GABRG3: variants seen among roughly 807,000 people sequenced by gnomAD.
The protein encoded by GABRG3 is gamma-aminobutyric acid type A receptor subunit gamma3.
A neutral mutation model predicts 48.8 loss-of-function variants in GABRG3; 25 were observed. The observed-to-expected ratio is 0.51, with a 90% CI of 0.37 to 0.72. GABRG3 has a LOEUF of 0.72. Among genes scored for constraint, GABRG3 ranks in the 30% least tolerant of loss-of-function variants. The pLI, the probability that GABRG3 is intolerant of heterozygous loss-of-function variation, is 0.00. For missense variants in GABRG3, 394 were observed against 577.9 expected, an observed-to-expected ratio of 0.68 and a Z score of 3.26; for synonymous variants, 227 against 217.6, an observed-to-expected ratio of 1.04 and a Z score of -0.38.
chr15:27,108,728 T>C (rs535762339), intron 3 of GABRG3, among the ~76,000 whole-genome samples: 2 of 152,336 alleles, frequency 1.3e-5, no homozygotes, highest in Non-Finnish European at 2.9e-5. Context: ...TATCAGTTTT[T>C]CCTTCATTTA....
At chr15:27,520,937 A>T (rs1287419050) in intron 7 of GABRG3, among the ~76,000 whole-genome samples, 1 of 151,886 alleles carries the variant, frequency 6.6e-6, no homozygotes, top group Non-Finnish European at 1.5e-5. Context: ...GGTAGACCAG[A>T]TGCCAAGAGA....
chr15:27,362,447 A>G (rs1895055813), intron 5 of GABRG3: 1 of 152,180 alleles, frequency 6.6e-6, no homozygotes, highest in African/African-American at 2.4e-5. Context: ...GCCTGTGAAG[A>G]TGTTCTTTGG....
intron 3 of GABRG3, among the ~76,000 whole-genome samples, chr15:27,216,750 T>TATTTATTTTTTTA (rs58685578): frequency 7.9e-6 from 1 of 125,860 alleles, no homozygotes; most frequent in Non-Finnish European, 1.6e-5. Flanking sequence ...TTTTTTTATT[T>TATTTATTTTTTTA]TTTATTTATT....
intron 3 of GABRG3, among the ~76,000 whole-genome samples, chr15:27,123,415 T>C (rs930926506): frequency 1.3e-5 from 2 of 152,120 alleles, no homozygotes; most frequent in African/African-American, 2.4e-5. Context: ...AAAAGAGGCC[T>C]GTGGGAACTC....
chr15:27,434,897 G>A (rs895724673), intron 5 of GABRG3, among the ~76,000 whole-genome samples: 11 of 152,170 alleles, frequency 7.2e-5, no homozygotes, highest in African/African-American at 2.4e-4. Context: ...GGTTAGCCAT[G>A]TGTCCATCTA....
rs773831443 is a variant in GABRG3 at position 27,388,311 on chromosome 15, AG to A, written c.574+59426del. On this transcript the variant is annotated intron_variant, in intron 5 of 9. Coordinates refer to ENST00000615808, the MANE Select transcript of GABRG3 (RefSeq NM_033223.5). ...AGGAAGAAAAGAAGGAAGGAAAGGG[AG>A]GGAGGGAAAAGAAGGAAGGAAGGAA... Among the ~76,000 whole-genome samples the A allele has an allele frequency of 2.2e-3, 67 of 30,992 alleles. 4 individuals carry two copies. Among genetic ancestry groups the A allele is most frequent in the Admixed American group, 2.8e-3 (6 of 2,110 alleles). 20.3% of individuals were successfully genotyped at this position (30,992 alleles called of 152,430 possible). A position where few individuals can be genotyped will look rare whatever the true frequency, so the allele number is the denominator to read the frequency against.
chr15:27,300,371 A>T (rs997626451), intron 3 of GABRG3, among the ~76,000 whole-genome samples: 1 of 152,140 alleles, frequency 6.6e-6, no homozygotes, highest in Non-Finnish European at 1.5e-5. Flanking sequence ...ACGTATTTTT[A>T]AAAACATGCA....
chr15:27,107,493 T>C (rs1177290394), intron 3 of GABRG3, among the ~76,000 whole-genome samples: 1 of 151,996 alleles, frequency 6.6e-6, no homozygotes. Context: ...GGATCTCTAG[T>C]TTTCTTTTTT....
chr15:26,977,345 CT>C (rs1566898062), intron 2 of GABRG3, among the ~76,000 whole-genome samples, 195 bp downstream of exon 2: 1 of 152,084 alleles, frequency 6.6e-6, no homozygotes, highest in African/African-American at 2.4e-5. Context: ...GAACGTGGCT[CT>C]GTGTCATTTT....
chr15:27,039,963 G>A (rs1166472558), intron 3 of GABRG3, among the ~76,000 whole-genome samples: 1 of 151,102 alleles, frequency 6.6e-6, no homozygotes, highest in Non-Finnish European at 1.5e-5. Flanking sequence ...TCCTTGCTGG[G>A]ACACTTCTTC....
intron 3 of GABRG3, among the ~76,000 whole-genome samples, chr15:27,235,941 A>G (rs1889946405): frequency 1.3e-5 from 2 of 152,198 alleles, no homozygotes; most frequent in Admixed American, 6.5e-5. Context: ...CCTGCTGCAG[A>G]GACGGACACA....
chr15:27,210,628 T>C (rs1889048101), intron 3 of GABRG3, among the ~76,000 whole-genome samples: 4 of 152,206 alleles, frequency 2.6e-5, no homozygotes, highest in Admixed American at 2.6e-4. Flanking sequence ...TCAGAGTGCA[T>C]GCAGACAGCA....
Position 26,976,134 on chromosome 15 carries a change from A to AAG in GABRG3, c.54-868_54-867insAG, listed in dbSNP as rs1388257256. Among the ~76,000 whole-genome samples the AAG allele has an allele frequency of 1.3e-5, 2 of 149,480 alleles. No individual in the cohort carries two copies. The highest frequency in any genetic ancestry group is 3.9e-4 in the East Asian group (2 of 5,126). ...AAACTGCAGAACCAAAAAAAAAAAA[A>AAG]GGGAAAACTAGCCGGTCATCCTGAG... On this transcript the variant is annotated intron_variant, in intron 1 of 9. Coordinates refer to ENST00000615808, the MANE Select transcript of GABRG3 (RefSeq NM_033223.5). This position sits in a 1 kb window ranked among gnomAD's most constrained non-coding sequence, Gnocchi z 7.8.
At chr15:27,022,539 T>C (rs1895914588) in intron 2 of GABRG3, among the ~76,000 whole-genome samples, 1 of 152,170 alleles carries the variant, frequency 6.6e-6, no homozygotes, top group Non-Finnish European at 1.5e-5. Context: ...ATTTTACCTG[T>C]CAAGTCCCAA....
chr15:27,103,496 C>T (rs1161563431), intron 3 of GABRG3, among the ~76,000 whole-genome samples: 2 of 152,126 alleles, frequency 1.3e-5, no homozygotes, highest in African/African-American at 2.4e-5. Context: ...CAGGGTTGCC[C>T]CTGCAGCTGC....
chr15:27,189,167 C>T (rs1888206924), intron 3 of GABRG3, among the ~76,000 whole-genome samples: 1 of 151,644 alleles, frequency 6.6e-6, no homozygotes. Context: ...AGCATGATGC[C>T]TCCAGCTTTG....
intron 2 of GABRG3, among the ~76,000 whole-genome samples, chr15:26,997,469 C>T (rs1437537593): frequency 6.6e-6 from 1 of 152,136 alleles, no homozygotes; most frequent in Non-Finnish European, 1.5e-5. Flanking sequence ...AATAATTCCC[C>T]ACCCTTCCAA....
chr15:27,084,161 A>G (rs1897037628), intron 3 of GABRG3, among the ~76,000 whole-genome samples: 1 of 152,234 alleles, frequency 6.6e-6, no homozygotes, highest in South Asian at 2.1e-4. Flanking sequence ...AACTGCTCAG[A>G]TAAACTGATG....
rs1300701833 is a variant in GABRG3, at chr15:27,457,349, TG to T, written c.575-23300del. On this transcript the variant is annotated intron_variant, in intron 5 of 9. Coordinates refer to ENST00000615808, the MANE Select transcript of GABRG3 (RefSeq NM_033223.5). This position sits in a 1 kb window ranked among gnomAD's most constrained non-coding sequence, Gnocchi z 4.4. ...AAGTCCTTGCTAGCATTTGACGTTT[TG>T]TTTTTTGCGTTTGTAGAAACATCAC... is the stretch of plus-strand genomic sequence containing the variant. Among the ~76,000 whole-genome samples, 17 of 152,238 alleles carry T rather than the reference TG, an allele frequency of 1.1e-4. No individual in the cohort carries two copies. Among genetic ancestry groups the T allele is most frequent in the African/African-American group, 4.1e-4 (17 of 41,464 alleles).
Sources: gnomAD v4.1 joint callset for allele counts (sites outside exome capture counted in the v4.1 genomes callset) on GRCh38, gnomAD v4.1.1 for gene constraint, Gnocchi (gnomAD v3.1) non-coding constraint, MANE v1.5 for transcripts, NCBI Gene and HGNC (gene_info 2026-07-23, HGNC 2026-07-21) for gene names.